Variants in HSPA12A observed in about 807,000 individuals in gnomAD.
HSPA12A encodes heat shock protein family A (Hsp70) member 12A.
Under a neutral mutation model 69.2 loss-of-function variants are expected in HSPA12A, and 28 were observed. The ratio of observed to expected loss-of-function variants is 0.40; its 90% CI spans 0.30 to 0.55. The LOEUF is 0.55. Among genes scored for constraint, HSPA12A ranks in the 20% least tolerant of loss-of-function variants. The probability of loss-of-function intolerance (pLI) is 0.38; values close to 1 mark genes in which losing one functional copy is unlikely to be tolerated. For synonymous variants in HSPA12A, 345 were observed against 370.5 expected (o/e 0.93, Z 0.79); for missense variants, 686 against 900.7 (o/e 0.76, Z 3.05).
chr10:116,687,495 TG>T (rs1849609461), intron 6 of HSPA12A, among the ~76,000 whole-genome samples: 3 of 152,166 alleles, frequency 2.0e-5, no homozygotes, highest in South Asian at 2.1e-4. Context: ...CAGCGGACTC[TG>T]CACAAATTCA....
intron 1 of HSPA12A, among the ~76,000 whole-genome samples, chr10:116,836,005 C>G (rs984074921): frequency 6.6e-6 from 1 of 152,106 alleles, no homozygotes; most frequent in Non-Finnish European, 1.5e-5. Context: ...AACGGCTCAT[C>G]ATGATGGGGC....
chr10:116,844,851 T>A lies in HSPA12A; in HGVS notation c.3+4715A>T, dbSNP rs979770100. On this transcript the variant is annotated intron_variant, in intron 1 of 12. Coordinates refer to the HSPA12A transcript ENST00000635765. Reference sequence around the variant, plus strand: ...TTTTAAATAAAGGTGTTGGACAGGATTAGGGAAAAAATGAACAAATACGTC... The same window carrying A: ...TTTTAAATAAAGGTGTTGGACAGGAATAGGGAAAAAATGAACAAATACGTC... Among the ~76,000 whole-genome samples, 24 of 152,234 alleles carry A rather than the reference T, an allele frequency of 1.6e-4. No individual in the cohort carries two copies. In the East Asian group the frequency reaches 4.4e-3, roughly 28 times the overall value.
chr10:116,685,472 TAAA>T, intron 6 of HSPA12A, among the ~76,000 whole-genome samples: 1 of 141,040 alleles, frequency 7.1e-6, no homozygotes, highest in South Asian at 2.3e-4. Flanking sequence ...CCGTCTCTAC[TAAA>T]AAAAAAAAAT....
rs190581950 is a variant in HSPA12A, at chr10:116,675,614, C to T, written c.1391-196G>A. ...AGGGAGTTTGCACACCAATATGTTCCGGAATAAAAGCCAGAGCTGCTGCTA... is the reference window on the plus strand; with the variant it reads ...AGGGAGTTTGCACACCAATATGTTCTGGAATAAAAGCCAGAGCTGCTGCTA... On this transcript the variant is annotated intron_variant, in intron 11 of 11. Transcript: ENST00000369209. This position sits in a 1 kb window ranked among gnomAD's most constrained non-coding sequence, Gnocchi z 5.2. 3.9e-5 allele frequency among the ~76,000 whole-genome samples: 6 copies of T among 152,200 alleles called. No homozygotes were observed. Among genetic ancestry groups the T allele is most frequent in the East Asian group, 3.9e-4 (2 of 5,182 alleles).
At position 116,765,787 on chromosome 10, in the gene HSPA12A, G is replaced by A. The variant is rs111958451; in HGVS notation, c.92-58502C>T. On this transcript the variant is annotated intron_variant, in intron 2 of 12. Coordinates refer to the HSPA12A transcript ENST00000635765. ...CCCTAGGGAGGGTTTACAATGAAAT[G>A]CCTCTCAGTTCTTCACCCAGTGTTC... 1.9e-3 allele frequency among the ~76,000 whole-genome samples: 287 copies of A among 152,314 alleles called. 1 individual carries two copies. The highest frequency in any genetic ancestry group is 3.3e-3 in the Non-Finnish European group (225 of 68,022).
chr10:116,756,525 C>T (rs1195557300), intron 2 of HSPA12A, among the ~76,000 whole-genome samples: 3 of 152,212 alleles, frequency 2.0e-5, no homozygotes, highest in African/African-American at 4.8e-5. Flanking sequence ...TGAGCCTGCT[C>T]GCCTTGGCAC....
chr10:116,838,452 G>T (rs924489282), intron 1 of HSPA12A, among the ~76,000 whole-genome samples: 3 of 152,150 alleles, frequency 2.0e-5, no homozygotes, highest in Non-Finnish European at 2.9e-5. Flanking sequence ...ATTTGAAGTG[G>T]AGAAAAACAA....
intron 2 of HSPA12A, among the ~76,000 whole-genome samples, chr10:116,799,898 C>T (rs1009785987): frequency 1.3e-5 from 2 of 151,602 alleles, no homozygotes; most frequent in Non-Finnish European, 3.0e-5. Flanking sequence ...CAGCAGTGAA[C>T]AGAACAGACA....
intron 2 of HSPA12A, among the ~76,000 whole-genome samples, chr10:116,798,158 G>T (rs1844872728): frequency 6.9e-6 from 1 of 145,958 alleles, no homozygotes; most frequent in African/African-American, 2.5e-5. Flanking sequence ...CCTCAATGTG[G>T]ACGGTAGAGG....
upstream of HSPA12A, among the ~76,000 whole-genome samples, chr10:116,746,165 C>T (rs11594503): frequency 0.054 from 8,153 of 152,270 alleles, 308 homozygotes; most frequent in Middle Eastern, 0.092. Flanking sequence ...ACACGCTTCC[C>T]TGCCAACAGA....
chr10:116,770,331 C>T (rs930476026), intron 2 of HSPA12A, among the ~76,000 whole-genome samples: 2 of 152,164 alleles, frequency 1.3e-5, no homozygotes, highest in Non-Finnish European at 2.9e-5. Context: ...CCTGCAGACC[C>T]GCCAGTACAG....
intron 2 of HSPA12A, among the ~76,000 whole-genome samples, chr10:116,797,987 G>A (rs1370680523): frequency 2.0e-5 from 3 of 152,134 alleles, no homozygotes; most frequent in African/African-American, 7.2e-5. Context: ...CACAGCTATG[G>A]GAACACAGCC....
intron 2 of HSPA12A, among the ~76,000 whole-genome samples, chr10:116,750,926 T>A (rs1554888288): frequency 6.6e-6 from 1 of 151,304 alleles, no homozygotes; most frequent in Admixed American, 6.6e-5. Flanking sequence ...TGAGCTGAGA[T>A]CGTACCACTG....
intron 7 of HSPA12A, chr10:116,683,493 T>C (rs1480772550): frequency 1.8e-5 from 5 of 272,034 alleles, no homozygotes; most frequent in Non-Finnish European, 3.4e-5. Flanking sequence ...ATTAAGAGCC[T>C]AGTACAATGT....
intron 1 of HSPA12A, among the ~76,000 whole-genome samples, chr10:116,729,588 CATT>C (rs1554885459): frequency 6.6e-6 from 1 of 152,122 alleles, no homozygotes; most frequent in African/African-American, 2.4e-5. Flanking sequence ...TCAATTAACA[CATT>C]ATTTTATGCA....
At chr10:116,725,906 C>A (rs925947948) in intron 1 of HSPA12A, among the ~76,000 whole-genome samples, 1 of 152,052 alleles carries the variant, frequency 6.6e-6, no homozygotes, top group South Asian at 2.1e-4. Context: ...TGCTTGCGTG[C>A]TATCTTAAGG....
At chr10:116,692,533 G>T (rs2240711) in intron 5 of HSPA12A, 66 bp from the exon 6 acceptor site, 628,441 of 1,262,098 alleles carry the variant, frequency 0.5, 158,194 homozygotes, top group African/African-American at 0.61. Context: ...GCCTCCTGTG[G>T]CTTCACTGAA....
At chr10:116,731,240 G>A (rs113622199) in intron 1 of HSPA12A, among the ~76,000 whole-genome samples, 288 of 152,348 alleles carry the variant, frequency 1.9e-3, no homozygotes, top group Non-Finnish European at 3.4e-3. Context: ...TTGTGAGTAA[G>A]TAAACCTTCT....
At chr10:116,741,113 G>A (rs1222526562) in intron 1 of HSPA12A, among the ~76,000 whole-genome samples, 1 of 152,154 alleles carries the variant, frequency 6.6e-6, no homozygotes, top group Non-Finnish European at 1.5e-5. Flanking sequence ...TGGGCTCTCC[G>A]CTGCCTCTCC....
Sources: gnomAD v4.1 joint callset for allele counts (sites outside exome capture counted in the v4.1 genomes callset) on GRCh38, gnomAD v4.1.1 for gene constraint, Gnocchi (gnomAD v3.1) non-coding constraint, MANE v1.5 for transcripts, NCBI Gene and HGNC (gene_info 2026-07-23, HGNC 2026-07-21) for gene names.